Variants in CD84 observed in about 807,000 individuals in gnomAD.
CD84 encodes the protein CD84 molecule.
A neutral mutation model predicts 33.8 loss-of-function variants in CD84; 22 were observed. That is an observed-to-expected ratio of 0.65 (90% CI 0.46 to 0.93). CD84 has a LOEUF of 0.93. Ranked by LOEUF, CD84 falls within the 40% of genes least tolerant of loss-of-function variation. CD84 has a pLI of 0.00. For synonymous variants in CD84, 154 were observed against 145.2 expected (o/e 1.06, Z -0.44); for missense variants, 400 against 397.6 (o/e 1.01, Z -0.05).
chr1:160,549,854 C>T lies in CD84; in HGVS notation c.921+63G>A, dbSNP rs564813812. The T allele has an allele frequency of 3.2e-5, 39 of 1,223,522 alleles. 1 individual carries two copies. The highest frequency in any genetic ancestry group is 1.5e-4 in the Admixed American group (9 of 59,540). The allele number at this position is 1,223,522 out of a possible 1,614,324, so 75.8% of individuals were successfully genotyped here. ...CCAGCTAGCCCCTGGTTGGATGGAC[C>T]GGGTGCACCAGAATGGCTGGAAGAG... On this transcript the variant is annotated intron_variant, in intron 6 of 6. Transcript: ENST00000368054.
intron 6 of CD84, among the ~76,000 whole-genome samples, chr1:160,548,947 T>C (rs3755898): frequency 0.34 from 51,566 of 152,058 alleles, 9,211 homozygotes; most frequent in Middle Eastern, 0.45. Flanking sequence ...CTTGAGATCC[T>C]GGCACAAATA....
chr1:160,543,332 G>A lies in CD84; in HGVS notation c.*4924C>T, dbSNP rs1343940694. 1 of 152,170 alleles carries A rather than the reference G, an allele frequency of 6.6e-6. No individual in the cohort carries two copies. Among genetic ancestry groups the A allele is most frequent in the Admixed American group, 6.5e-5 (1 of 15,280 alleles). 9.4% of individuals were successfully genotyped at this position (152,170 alleles called of 1,614,324 possible). A position where few individuals can be genotyped will look rare whatever the true frequency, so the allele number is the denominator to read the frequency against. On this transcript the variant is annotated 3_prime_UTR_variant, in exon 7 of 7. Coordinates refer to ENST00000368054, the MANE Select transcript of CD84 (RefSeq NM_003874.4). ...TACCAGGTAGGGAGAATCCACAGGAGGTAAAAAAGGGCCACATGGCAGAGT... is the reference window on the plus strand; with the variant it reads ...TACCAGGTAGGGAGAATCCACAGGAAGTAAAAAAGGGCCACATGGCAGAGT...
At chr1:160,552,659 A>G (rs1224077119) in intron 4 of CD84, 1 of 1,376,678 alleles carries the variant, frequency 7.3e-7, no homozygotes, top group South Asian at 1.2e-5. Flanking sequence ...GGAACTCCCC[A>G]TCCCTCCCAA....
At chr1:160,555,285 G>A (rs112160515) in intron 2 of CD84, among the ~76,000 whole-genome samples, 2,673 of 151,924 alleles carry the variant, frequency 0.018, 84 homozygotes, top group African/African-American at 0.058. Context: ...GAGTTTCACC[G>A]TGTTAGCTAG....
At position 160,547,241 on chromosome 1, in the gene CD84, T is replaced by A; in HGVS notation, c.*1015A>T. ...TCATCTGCACCATCATCTCCCAAGT[T>A]CCTTCTGGAGAATGACTCTGCTTCT... On this transcript the variant is annotated 3_prime_UTR_variant, in exon 7 of 7. Coordinates refer to ENST00000368054, the MANE Select transcript of CD84 (RefSeq NM_003874.4). 1 of 398,682 alleles carries A rather than the reference T, an allele frequency of 2.5e-6. No homozygotes were observed. Among genetic ancestry groups the A allele is most frequent in the Non-Finnish European group, 4.4e-6 (1 of 226,062 alleles). The allele number at this position is 398,682 out of a possible 1,614,324, so 24.7% of individuals were successfully genotyped here.
chr1:160,574,344 T>C (rs1407988081), intron 1 of CD84, among the ~76,000 whole-genome samples: 1 of 151,960 alleles, frequency 6.6e-6, no homozygotes, highest in Non-Finnish European at 1.5e-5. Context: ...GTGAAGAAAA[T>C]TTTTTAGATC....
intron 5 of CD84, 147 bp from the exon 6 acceptor site, chr1:160,550,126 A>C (rs139211381): frequency 0.015 from 10,468 of 681,992 alleles, 139 homozygotes; most frequent in Non-Finnish European, 0.02. Context: ...CCTCCATCCA[A>C]CTCTGGAGAG....
chr1:160,567,605 G>T (rs552266943), intron 1 of CD84, among the ~76,000 whole-genome samples: 1 of 152,234 alleles, frequency 6.6e-6, no homozygotes, highest in East Asian at 1.9e-4. Flanking sequence ...CAGCCCTGAG[G>T]AGCTCACAGC....
intron 2 of CD84, 51 bp from the exon 3 acceptor site, chr1:160,554,197 A>G (rs1325741736): frequency 5.0e-6 from 7 of 1,408,258 alleles, no homozygotes; most frequent in South Asian, 2.0e-5. Context: ...GGCTTGTACT[A>G]GTTTGTGGGA....
intron 1 of CD84, among the ~76,000 whole-genome samples, chr1:160,568,969 GT>G (rs746886507): frequency 6.6e-5 from 10 of 152,200 alleles, no homozygotes; most frequent in Non-Finnish European, 1.2e-4. Flanking sequence ...TATTTGTCCT[GT>G]TTGGTGAGCA....
chr1:160,569,152 G>A (rs1048587735), intron 1 of CD84, among the ~76,000 whole-genome samples: 10 of 152,178 alleles, frequency 6.6e-5, no homozygotes, highest in South Asian at 2.1e-4. Flanking sequence ...TTATGATGGC[G>A]TTGGTGATGC....
chr1:160,565,717 T>A lies in CD84; in HGVS notation c.75A>T (p.Glu25Asp). ...CCAGAATCCCATTCACTGTGAAGAT[T>A]TCTGAGTCTTTTCCAGCTGCTTCCG... ...TWPEAAGKDS[E>D]IFTVNGILGE... Residue 25 changes from glutamate (E) to aspartate (D), a missense_variant, in exon 2 of 7, where the codon GAA becomes GAT. By Grantham distance (45) the Glu-to-Asp change is conservative (BLOSUM62 2). Transcript: ENST00000368054. 1 of 1,610,994 alleles carries A rather than the reference T, an allele frequency of 6.2e-7. No individual in the cohort carries two copies. Among genetic ancestry groups the A allele is most frequent in the Non-Finnish European group, 8.5e-7 (1 of 1,178,510 alleles).
At chr1:160,573,329 G>A (rs1374392262) in intron 1 of CD84, among the ~76,000 whole-genome samples, 1 of 152,034 alleles carries the variant, frequency 6.6e-6, no homozygotes, top group Non-Finnish European at 1.5e-5. Flanking sequence ...AGGTTATATA[G>A]ACCTAAAACC....
At chr1:160,554,202 G>A in intron 2 of CD84, 56 bp from the exon 3 acceptor site, 1 of 1,389,792 alleles carries the variant, frequency 7.2e-7, no homozygotes, top group South Asian at 2.1e-5. Flanking sequence ...GTACTAGTTT[G>A]TGGGAGCCAA....
chr1:160,572,414 TAGCTGTG>T (rs954389165), intron 1 of CD84, among the ~76,000 whole-genome samples: 12 of 152,334 alleles, frequency 7.9e-5, no homozygotes, highest in African/African-American at 2.4e-4. Flanking sequence ...TATTTGAACG[TAGCTGTG>T]TTATCTTGAG....
intron 2 of CD84, among the ~76,000 whole-genome samples, chr1:160,554,549 T>G (rs1656477534): frequency 6.6e-6 from 1 of 152,228 alleles, no homozygotes; most frequent in Non-Finnish European, 1.5e-5. Context: ...AATGGAGGAA[T>G]GCAGATGAAA....
At chr1:160,559,803 G>T (rs1445910013) in intron 2 of CD84, among the ~76,000 whole-genome samples, 2 of 151,886 alleles carry the variant, frequency 1.3e-5, no homozygotes, top group African/African-American at 4.8e-5. Flanking sequence ...AAGCAAATGG[G>T]AAACAGAAAA....
chr1:160,579,491 C>G lies in CD84; in HGVS notation c.-54G>C. 6.3e-7 allele frequency: 1 copy of G among 1,596,052 alleles called. No homozygotes were observed. The highest frequency in any genetic ancestry group is 1.1e-5 in the South Asian group (1 of 87,412). ...AAGCACGGCACTGTTCTAGCAGAGT[C>G]AGTTTCACTTGAGTTTTCTTCCTCC... On this transcript the variant is annotated 5_prime_UTR_variant, in exon 1 of 7. Transcript: ENST00000368054.
chr1:160,553,823 C>T, intron 3 of CD84, 72 bp downstream of exon 3: 1 of 1,608,414 alleles, frequency 6.2e-7, no homozygotes, highest in Non-Finnish European at 8.5e-7. Context: ...AGAATGTGGC[C>T]CACGTTCAGA....
Sources: allele counts gnomAD v4.1 joint callset (sites outside exome capture counted in the v4.1 genomes callset), GRCh38; gene constraint gnomAD v4.1.1; transcripts MANE v1.5; gene names NCBI Gene and HGNC (gene_info 2026-07-23, HGNC 2026-07-21).